The following C5orf52 variants were observed in gnomAD, a reference collection of about 807,000 sequenced individuals.
C5orf52 encodes the protein chromosome 5 open reading frame 52.
Under a neutral mutation model 16.8 loss-of-function variants are expected in C5orf52, and 15 were observed. The observed-to-expected ratio is 0.89, with a 90% CI of 0.60 to 1.38. C5orf52 has a LOEUF of 1.38. C5orf52 is among the 40% of genes most tolerant of loss of function. The pLI, the probability that C5orf52 is intolerant of heterozygous loss-of-function variation, is 0.00. For synonymous variants in C5orf52, 83 were observed against 87.2 expected (o/e 0.95, Z 0.27); for missense variants, 206 against 213.1 (o/e 0.97, Z 0.21).
intron 1 of C5orf52, 108 bp from the exon 2 acceptor site, chr5:157,674,984 C>A: frequency 1.5e-6 from 1 of 663,028 alleles, no homozygotes. Flanking sequence ...GCACTTGTCC[C>A]AAGAAACCCG....
chr5:157,679,441 A>G (rs1759967136), intron 2 of C5orf52, among the ~76,000 whole-genome samples: 1 of 151,764 alleles, frequency 6.6e-6, no homozygotes, highest in Non-Finnish European at 1.5e-5. Context: ...GGTTCAAGCA[A>G]CTCTTCTGCC....
At chr5:157,674,942 T>G in intron 1 of C5orf52, 150 bp from the exon 2 acceptor site, 1 of 587,732 alleles carries the variant, frequency 1.7e-6, no homozygotes, top group East Asian at 2.8e-5. Flanking sequence ...CTGTGGTTAC[T>G]CCCCTGTTCT....
rs1301036275 is a variant in C5orf52, at chr5:157,680,066, T to C, written c.*67T>C. 6.9e-7 allele frequency: 1 copy of C among 1,444,652 alleles called. No homozygotes were observed. Among genetic ancestry groups the C allele is most frequent in the Non-Finnish European group, 9.3e-7 (1 of 1,071,944 alleles). 89.5% of individuals were successfully genotyped at this position (1,444,652 alleles called of 1,614,324 possible). A position where few individuals can be genotyped will look rare whatever the true frequency, so the allele number is the denominator to read the frequency against. On this transcript the variant is annotated 3_prime_UTR_variant, in exon 3 of 3. Transcript: ENST00000409999. ...AAAGGGATCTGCCCCAGGGTCACGA[T>C]GACACCAGTGTGACCCGAGGAGAAC...
At chr5:157,672,189 C>G (rs895341829) in intron 1 of C5orf52, among the ~76,000 whole-genome samples, 6 of 152,094 alleles carry the variant, frequency 3.9e-5, no homozygotes, top group African/African-American at 1.2e-4. Flanking sequence ...TAGAACCTGG[C>G]GAGGCCCAGG....
chr5:157,673,652 A>ATT (rs941587291), intron 1 of C5orf52, among the ~76,000 whole-genome samples: 8 of 146,884 alleles, frequency 5.4e-5, no homozygotes, highest in Non-Finnish European at 9.1e-5. Flanking sequence ...AATATGAACA[A>ATT]TTTTTTTTTT....
At chr5:157,673,889 G>A (rs1267384318) in intron 1 of C5orf52, among the ~76,000 whole-genome samples, 6 of 151,962 alleles carry the variant, frequency 3.9e-5, no homozygotes, top group Non-Finnish European at 8.8e-5. Flanking sequence ...CAAGTGATTC[G>A]CCTGCTTCAG....
intron 1 of C5orf52, among the ~76,000 whole-genome samples, chr5:157,672,602 A>T (rs182023215): frequency 6.6e-6 from 1 of 152,216 alleles, no homozygotes; most frequent in East Asian, 1.9e-4. Context: ...GAGCATCTTG[A>T]TCTCTAAACC....
upstream of C5orf52, chr5:157,671,431 A>C: frequency 1.7e-6 from 1 of 591,122 alleles, no homozygotes; most frequent in Non-Finnish European, 3.0e-6. Flanking sequence ...TGGCCGCCGG[A>C]CTCTGCACGC....
At chr5:157,671,378 G>C, upstream of C5orf52, 1 of 539,810 alleles carries the variant, frequency 1.9e-6, no homozygotes, top group Admixed American at 3.7e-5. Flanking sequence ...AACGCGCCGG[G>C]TCTCACCACG....
Position 157,671,569 on chromosome 5 carries a change from C to G in C5orf52, c.-46C>G. On this transcript the variant is annotated 5_prime_UTR_variant, in exon 1 of 3. Transcript: ENST00000409999. ...GCGCGCGCCCACCTAGGTGGGCTGG[C>G]AACCAGCCACCAGTTTCCAACTCTT... is the stretch of plus-strand genomic sequence containing the variant. 4 of 1,483,612 alleles carry G rather than the reference C, an allele frequency of 2.7e-6. No individual in the cohort carries two copies. The highest frequency in any genetic ancestry group is 3.6e-6 in the Non-Finnish European group (4 of 1,099,686). 91.9% of individuals were successfully genotyped at this position (1,483,612 alleles called of 1,614,324 possible).
At chr5:157,671,346 C>T (rs1241109259), upstream of C5orf52, 13 of 513,548 alleles carry the variant, frequency 2.5e-5, no homozygotes, top group Non-Finnish European at 4.1e-5. Context: ...CCACTTCTTC[C>T]AGACCCGTCC....
intron 2 of C5orf52, 55 bp from the exon 3 acceptor site, chr5:157,679,786 C>A: frequency 1.3e-6 from 2 of 1,499,312 alleles, no homozygotes; most frequent in Non-Finnish European, 8.9e-7. Flanking sequence ...GCGAAGTAAT[C>A]CTAATCTCAC....
chr5:157,673,773 T>C (rs773731678), intron 1 of C5orf52, among the ~76,000 whole-genome samples: 2 of 151,790 alleles, frequency 1.3e-5, no homozygotes, highest in Non-Finnish European at 2.9e-5. Flanking sequence ...GCCTCCCGAG[T>C]AGCTGGGATT....
intron 2 of C5orf52, among the ~76,000 whole-genome samples, chr5:157,678,706 C>T (rs1284645640): frequency 6.6e-6 from 1 of 152,150 alleles, no homozygotes; most frequent in Non-Finnish European, 1.5e-5. Flanking sequence ...AGTGAGCCAC[C>T]TGCCTTGGCC....
In C5orf52 at chr5:157,675,906, C is replaced by G. The variant is rs926349457; in HGVS notation, c.321+706C>G. 2.6e-5 allele frequency among the ~76,000 whole-genome samples: 4 copies of G among 152,100 alleles called. No homozygotes were observed. The East Asian group carries it at 7.7e-4, about 29-fold the overall frequency. Reference sequence around the variant, plus strand: ...ACTCGAAATCCTGAGTGCTGTCACCCCACTGTTCCCATAGACCCTGATTGA... The same window carrying G: ...ACTCGAAATCCTGAGTGCTGTCACCGCACTGTTCCCATAGACCCTGATTGA... On this transcript the variant is annotated intron_variant, in intron 2 of 2. Coordinates refer to ENST00000409999, the MANE Select transcript of C5orf52 (RefSeq NM_001145132.2).
At chr5:157,672,319 G>A (rs1759811888) in intron 1 of C5orf52, among the ~76,000 whole-genome samples, 2 of 151,852 alleles carry the variant, frequency 1.3e-5, no homozygotes, top group South Asian at 4.2e-4. Context: ...CCAATTACCC[G>A]CGCTCCTTTC....
chr5:157,677,486 C>T (rs1256170748), intron 2 of C5orf52, among the ~76,000 whole-genome samples: 21 of 151,846 alleles, frequency 1.4e-4, no homozygotes, highest in Admixed American at 1.4e-3. Context: ...AGAAACCCCT[C>T]TCTACTAAAA....
chr5:157,671,198 G>A (rs947219451), upstream of C5orf52: 5 of 177,966 alleles, frequency 2.8e-5, no homozygotes, highest in Admixed American at 6.3e-5. Flanking sequence ...GGAATCGCCT[G>A]TGCTGGGTCT....
At position 157,678,692 on chromosome 5, in the gene C5orf52, C is replaced by G. The variant is rs1717499867; in HGVS notation, c.322-1149C>G. On this transcript the variant is annotated intron_variant, in intron 2 of 2. Transcript: ENST00000409999. ...GCCAGGCTGATCTCAAACTCCTGGC[C>G]TCAAGTGAGCCACCTGCCTTGGCCC... is the stretch of plus-strand genomic sequence containing the variant. 2.0e-5 allele frequency among the ~76,000 whole-genome samples: 3 copies of G among 152,248 alleles called. No homozygotes were observed. The South Asian group carries it at 6.2e-4, about 32-fold the overall frequency.
Sources: allele counts gnomAD v4.1 joint callset (sites outside exome capture counted in the v4.1 genomes callset), GRCh38; gene constraint gnomAD v4.1.1; transcripts MANE v1.5; gene names NCBI Gene and HGNC (gene_info 2026-07-23, HGNC 2026-07-21).